The following ULK2 variants were observed in gnomAD, a reference collection of about 807,000 sequenced individuals.
ULK2 encodes serine/threonine-protein kinase ULK2.
A neutral mutation model predicts 127.5 loss-of-function variants in ULK2; 76 were observed. The observed-to-expected ratio is 0.60, with a 90% CI of 0.50 to 0.72. The LOEUF is 0.72. Ranked by LOEUF, ULK2 falls within the 30% of genes least tolerant of loss-of-function variation. ULK2 has a pLI of 0.00. For missense variants in ULK2, 1,144 were observed against 1,295.9 expected (o/e 0.88, Z 1.80); for synonymous variants, 452 against 461.9 (o/e 0.98, Z 0.28).
intron 12 of ULK2, among the ~76,000 whole-genome samples, chr17:19,819,583 C>G (rs1455054955): frequency 6.6e-6 from 1 of 152,186 alleles, no homozygotes; most frequent in African/African-American, 2.4e-5. Flanking sequence ...AAAATTCTCT[C>G]TGATGAGCTC....
intron 3 of ULK2, among the ~76,000 whole-genome samples, chr17:19,860,439 C>A (rs1441289715): frequency 6.6e-5 from 10 of 151,690 alleles, no homozygotes; most frequent in Non-Finnish European, 1.5e-4. Flanking sequence ...CCTTGATGAA[C>A]AATTTCAATC....
At chr17:19,836,340 C>T (rs577295419) in intron 10 of ULK2, among the ~76,000 whole-genome samples, 21 of 152,030 alleles carry the variant, frequency 1.4e-4, no homozygotes, top group East Asian at 3.9e-4. Context: ...ACCCGGGAGA[C>T]GGAGGTTGCA....
In ULK2 at chr17:19,825,171, G is replaced by C. The variant is rs766212504; in HGVS notation, c.847C>G (p.Pro283Ala). Residue 283 changes from proline (P) to alanine (A), a missense_variant, in exon 12 of 27, where the codon CCA becomes GCA. By Grantham distance (27) the Pro-to-Ala change is conservative (BLOSUM62 -1). This residue lies in a region of ULK2 where 913 missense variants were observed against 970.5 expected (regional missense o/e 0.94). Transcript: ENST00000395544. ...QGPVKKSCPV[P>A]VPMYSGSVSG... ...ACAGAACCAGAATACATGGGCACTG[G>C]AACTGGGCAAGCTAGGGGAAGAAAC... is the stretch of plus-strand genomic sequence containing the variant. The C allele has an allele frequency of 1.3e-5, 21 of 1,613,986 alleles. No homozygotes were observed. Among genetic ancestry groups the C allele is most frequent in the Admixed American group, 1.7e-5 (1 of 59,988 alleles).
At chr17:19,860,524 C>CTTT (rs34701817) in intron 3 of ULK2, among the ~76,000 whole-genome samples, 5 of 138,156 alleles carry the variant, frequency 3.6e-5, no homozygotes, top group Non-Finnish European at 1.6e-5. Flanking sequence ...ATTAATACCT[C>CTTT]TTTTTTTTTT....
At chr17:19,825,228 C>A in intron 11 of ULK2, 46 bp from the exon 12 acceptor site, 1 of 1,542,458 alleles carries the variant, frequency 6.5e-7, no homozygotes, top group South Asian at 1.1e-5. Flanking sequence ...GTAGTGCAGT[C>A]ACATGACCTG....
intron 14 of ULK2, among the ~76,000 whole-genome samples, chr17:19,806,180 C>T (rs1172774322): frequency 1.3e-5 from 2 of 152,138 alleles, no homozygotes; most frequent in African/African-American, 4.8e-5. Flanking sequence ...TCTGACAACC[C>T]AAGTTCCTTA....
rs920911198 is a variant in ULK2, at chr17:19,849,782, G to C, written c.226-8C>G. 6.6e-7 allele frequency: 1 copy of C among 1,510,828 alleles called. No homozygotes were observed. Among genetic ancestry groups the C allele is most frequent in the African/African-American group, 1.4e-5 (1 of 70,920 alleles). 93.6% of individuals were successfully genotyped at this position (1,510,828 alleles called of 1,614,324 possible). ...GACAGAGTTGGGTAATTCCTGAAAA[G>C]TAAACATATTAAATATCATTTAGAG... On this transcript the variant is annotated splice_polypyrimidine_tract_variant and splice_region_variant and intron_variant, in intron 3 of 26. Coordinates refer to ENST00000395544, the MANE Select transcript of ULK2 (RefSeq NM_014683.4).
chr17:19,834,157 G>A (rs576736055), intron 10 of ULK2, among the ~76,000 whole-genome samples: 2 of 151,846 alleles, frequency 1.3e-5, no homozygotes, highest in South Asian at 4.1e-4. Flanking sequence ...AAAGCAGTAA[G>A]ATGACATAGT....
chr17:19,855,683 C>T (rs556195605), intron 3 of ULK2: 2 of 151,246 alleles, frequency 1.3e-5, no homozygotes, highest in Non-Finnish European at 2.9e-5. Context: ...AAAAATATCT[C>T]AAAACATGAC....
At chr17:19,866,926 G>C (rs1567735882) in intron 1 of ULK2, among the ~76,000 whole-genome samples, 1 of 152,118 alleles carries the variant, frequency 6.6e-6, no homozygotes. Flanking sequence ...TTTTCCGCTG[G>C]GTCTGTAATT....
chr17:19,846,259 C>A (rs758164442), intron 6 of ULK2, among the ~76,000 whole-genome samples: 3 of 152,152 alleles, frequency 2.0e-5, no homozygotes, highest in Non-Finnish European at 4.4e-5. Flanking sequence ...CTGCCTGAGA[C>A]TTGGCAGAAA....
Position 19,797,246 on chromosome 17 carries a change from G to T in ULK2, c.1809+150C>A, listed in dbSNP as rs955004173. ...TGGGAGGTGGAGGTTGTGATGAGCT[G>T]AGGTTGTGCCACTGCACTCCAGCCT... On this transcript the variant is annotated intron_variant, in intron 18 of 26. Coordinates refer to ENST00000395544, the MANE Select transcript of ULK2 (RefSeq NM_014683.4). 10 of 800,438 alleles carry T rather than the reference G, an allele frequency of 1.2e-5. No individual in the cohort carries two copies. The African/African-American group carries it at 1.8e-4, about 14-fold the overall frequency. 49.6% of individuals were successfully genotyped at this position (800,438 alleles called of 1,614,324 possible). A position where few individuals can be genotyped will look rare whatever the true frequency, so the allele number is the denominator to read the frequency against.
intron 13 of ULK2, among the ~76,000 whole-genome samples, chr17:19,814,206 T>C (rs2040910194): frequency 2.0e-5 from 3 of 151,570 alleles, no homozygotes; most frequent in Non-Finnish European, 4.4e-5. Flanking sequence ...TTGCTCCATC[T>C]ACAAAAATGA....
At chr17:19,855,099 CA>C (rs59428848) in intron 3 of ULK2, among the ~76,000 whole-genome samples, 14,868 of 100,478 alleles carry the variant, frequency 0.15, 1,554 homozygotes, top group East Asian at 0.42. Flanking sequence ...GATTCCATCT[CA>C]AAAAAAAAAA....
chr17:19,829,556 G>GGGGGGA, intron 10 of ULK2, among the ~76,000 whole-genome samples: 1 of 131,636 alleles, frequency 7.6e-6, no homozygotes, highest in African/African-American at 2.7e-5. Context: ...AAAGGGGGGG[G>GGGGGGA]GCTGGGCACG....
chr17:19,811,531 T>G (rs1238901738), intron 13 of ULK2, among the ~76,000 whole-genome samples: 1 of 151,962 alleles, frequency 6.6e-6, no homozygotes, highest in East Asian at 1.9e-4. Flanking sequence ...AACCTCTGCC[T>G]CTAAGGTTCA....
rs376905124 is a variant in ULK2 at position 19,867,293 on chromosome 17, G to A, written c.90+35C>T. 2.6e-4 allele frequency: 399 copies of A among 1,510,818 alleles called. 5 individuals carry two copies. In the African/African-American group the frequency reaches 4.9e-3, roughly 19 times the overall value. The allele number at this position is 1,510,818 out of a possible 1,614,324, so 93.6% of individuals were successfully genotyped here. ...AGAACCACCTAGCCCCGTGCCTGCC[G>A]CCCGGGGCCCGGCCTCGCCCCGGCC... On this transcript the variant is annotated intron_variant, in intron 1 of 26. Transcript: ENST00000395544.
intron 10 of ULK2, among the ~76,000 whole-genome samples, chr17:19,830,305 T>A (rs568831663): frequency 6.6e-6 from 1 of 152,156 alleles, no homozygotes; most frequent in South Asian, 2.1e-4. Context: ...GCTGAAGTAA[T>A]CCCTCTTACC....
At chr17:19,863,496 G>GTT (rs774471418) in intron 3 of ULK2, among the ~76,000 whole-genome samples, 69 of 131,842 alleles carry the variant, frequency 5.2e-4, no homozygotes, top group Admixed American at 1.0e-3. Flanking sequence ...TGTGATTCTA[G>GTT]TTTTTTTTTT....
Sources: gnomAD v4.1 joint callset for allele counts (sites outside exome capture counted in the v4.1 genomes callset) on GRCh38, gnomAD v4.1.1 for gene constraint, gnomAD v4.1.1 regional missense constraint, MANE v1.5 for transcripts, NCBI Gene and HGNC (gene_info 2026-07-23, HGNC 2026-07-21) for gene names.